The following SLC24A4 variants were observed in gnomAD, a reference collection of about 807,000 sequenced individuals.
The protein encoded by SLC24A4 is sodium/potassium/calcium exchanger 4.
Under a neutral mutation model 79.0 loss-of-function variants are expected in SLC24A4, and 53 were observed. The observed-to-expected ratio is 0.67, with a 90% CI of 0.54 to 0.84. The LOEUF (loss-of-function observed/expected upper bound fraction) is 0.84. Among genes scored for constraint, SLC24A4 ranks in the 40% least tolerant of loss-of-function variants. The pLI is 0.00. For missense variants in SLC24A4, 731 were observed against 822.0 expected (o/e 0.89, Z 1.35); for synonymous variants, 323 against 323.8 (o/e 1.00, Z 0.03).
At chr14:92,477,268 T>C (rs1894818056) in intron 12 of SLC24A4, among the ~76,000 whole-genome samples, 1 of 152,214 alleles carries the variant, frequency 6.6e-6, no homozygotes, top group South Asian at 2.1e-4. Context: ...TAATGACCAT[T>C]TTCTTTGGAG....
In SLC24A4 at chr14:92,478,458, G is replaced by T. The variant is rs191625837; in HGVS notation, c.1256-4222G>T. On this transcript the variant is annotated intron_variant, in intron 12 of 16. Transcript: ENST00000532405. ...AAATATCAAGATATTAAATGCCTGG[G>T]TTTATTTCTGGACTCAAAATTTTAT... Among the ~76,000 whole-genome samples the T allele has an allele frequency of 3.3e-3, 497 of 152,184 alleles. 2 individuals are homozygous for T. The highest frequency in any genetic ancestry group is 0.011 in the African/African-American group (476 of 41,530).
At chr14:92,405,234 T>A (rs970626930) in intron 2 of SLC24A4, among the ~76,000 whole-genome samples, 4 of 152,188 alleles carry the variant, frequency 2.6e-5, no homozygotes, top group African/African-American at 9.7e-5. Context: ...GGTTGATCGG[T>A]TAGCCCTCCA....
At chr14:92,442,018 C>A in intron 4 of SLC24A4, 71 bp from the exon 5 acceptor site, 1 of 1,250,572 alleles carries the variant, frequency 8.0e-7, no homozygotes. Context: ...TGCTCCTTGG[C>A]TGTAGAGCGT....
intron 14 of SLC24A4, among the ~76,000 whole-genome samples, chr14:92,487,618 C>T (rs1353041480): frequency 6.6e-6 from 1 of 152,032 alleles, no homozygotes; most frequent in African/African-American, 2.4e-5. Context: ...GCCCTGACAG[C>T]GAATGGGGAC....
At chr14:92,417,898 G>C (rs551296768) in intron 2 of SLC24A4, among the ~76,000 whole-genome samples, 1 of 152,294 alleles carries the variant, frequency 6.6e-6, no homozygotes, top group Non-Finnish European at 1.5e-5. Flanking sequence ...TAGGATGCTC[G>C]TGCAGCAGTG....
chr14:92,431,825 G>A (rs975938916), intron 2 of SLC24A4, among the ~76,000 whole-genome samples: 6 of 152,312 alleles, frequency 3.9e-5, no homozygotes, highest in Admixed American at 3.9e-4. Flanking sequence ...GTTCGCACAA[G>A]CTCATGCGTA....
chr14:92,383,738 T>G (rs567335527), intron 2 of SLC24A4, among the ~76,000 whole-genome samples: 1 of 152,270 alleles, frequency 6.6e-6, no homozygotes, highest in Non-Finnish European at 1.5e-5. Flanking sequence ...CGTATGAATG[T>G]TCATGCAGAA....
At chr14:92,391,090 G>A (rs188966623) in intron 2 of SLC24A4, among the ~76,000 whole-genome samples, 103 of 152,258 alleles carry the variant, frequency 6.8e-4, no homozygotes, top group African/African-American at 2.0e-3. Flanking sequence ...CGCTTCCACC[G>A]GTGAGAGCTG....
chr14:92,327,687 CG>C (rs1885226792), intron 2 of SLC24A4, among the ~76,000 whole-genome samples: 1 of 152,182 alleles, frequency 6.6e-6, no homozygotes, highest in Admixed American at 6.5e-5. Flanking sequence ...TTGGCTTAGA[CG>C]GGGATCCCTT....
intron 2 of SLC24A4, among the ~76,000 whole-genome samples, chr14:92,383,009 T>C (rs989369794): frequency 6.6e-6 from 1 of 152,234 alleles, no homozygotes; most frequent in Admixed American, 6.5e-5. Flanking sequence ...TCAGCTTCAG[T>C]TCCTGATGCC....
chr14:92,326,026 G>C, intron 2 of SLC24A4, 48 bp downstream of exon 2: 1 of 1,386,992 alleles, frequency 7.2e-7, no homozygotes, highest in Non-Finnish European at 1.0e-6. Context: ...TGTTTGGCCT[G>C]GCCTGGAGAT....
At chr14:92,343,608 CTTTCTTTCTT>C (rs1886304030) in intron 2 of SLC24A4, among the ~76,000 whole-genome samples, 1 of 145,552 alleles carries the variant, frequency 6.9e-6, no homozygotes, top group African/African-American at 2.6e-5. Flanking sequence ...TTCTTTCTTT[CTTTCTTTCTT>C]TCTTTCTTTC....
rs60360408 is a variant in SLC24A4, at chr14:92,395,432, A to AACACACACACACACACACACAC, written c.242-38467_242-38446dup. Among the ~76,000 whole-genome samples the AACACACACACACACACACACAC allele has an allele frequency of 5.3e-4, 77 of 144,916 alleles. 1 individual carries two copies. The highest frequency in any genetic ancestry group is 1.8e-3 in the African/African-American group (72 of 39,440). On this transcript the variant is annotated intron_variant, in intron 2 of 16. Coordinates refer to ENST00000532405, the MANE Select transcript of SLC24A4 (RefSeq NM_153646.4). ...GATGATTCAAAACAAAACAAAACAA[A>AACACACACACACACACACACAC]ACACACACACACACACACACACACA...
At chr14:92,329,132 AT>A (rs1885322245) in intron 2 of SLC24A4, among the ~76,000 whole-genome samples, 1 of 152,156 alleles carries the variant, frequency 6.6e-6, no homozygotes, top group African/African-American at 2.4e-5. Context: ...GCCCCCATGA[AT>A]TAGAGGGTGC....
chr14:92,325,730 C>T (rs1885089874), intron 1 of SLC24A4, 138 bp from the exon 2 acceptor site: 1 of 597,432 alleles, frequency 1.7e-6, no homozygotes, highest in African/African-American at 1.9e-5. Context: ...TACTTCCAAT[C>T]ATCCTATCAG....
In SLC24A4 at chr14:92,482,583, T is replaced by C. The variant is rs1331107564; in HGVS notation, c.1256-97T>C. On this transcript the variant is annotated intron_variant, in intron 12 of 16. Coordinates refer to ENST00000532405, the MANE Select transcript of SLC24A4 (RefSeq NM_153646.4). ...GAGTCACATCGGTGGCATTCTCTTA[T>C]TTAGCTTGAAGACTAAATCGACAGG... 1.1e-5 allele frequency: 13 copies of C among 1,233,906 alleles called. No homozygotes were observed. The South Asian group carries it at 1.7e-4, about 16-fold the overall frequency. 76.4% of individuals were successfully genotyped at this position (1,233,906 alleles called of 1,614,324 possible). A position where few individuals can be genotyped will look rare whatever the true frequency, so the allele number is the denominator to read the frequency against.
intron 2 of SLC24A4, among the ~76,000 whole-genome samples, chr14:92,360,338 C>G (rs1887436707): frequency 6.6e-6 from 1 of 152,098 alleles, no homozygotes; most frequent in African/African-American, 2.4e-5. Context: ...TAGGCTCAAG[C>G]AATCCTCCCT....
intron 2 of SLC24A4, among the ~76,000 whole-genome samples, chr14:92,349,341 A>G (rs901457100): frequency 6.6e-5 from 10 of 152,080 alleles, no homozygotes; most frequent in South Asian, 2.1e-4. Flanking sequence ...TGTATTTTCA[A>G]TAGAGACAGG....
chr14:92,332,529 G>T (rs1221361012), intron 2 of SLC24A4, among the ~76,000 whole-genome samples: 2 of 152,194 alleles, frequency 1.3e-5, no homozygotes, highest in East Asian at 1.9e-4. Context: ...GCTGGGCATT[G>T]TGGGGAGCAC....
Sources: gnomAD v4.1 joint callset for allele counts (sites outside exome capture counted in the v4.1 genomes callset) on GRCh38, gnomAD v4.1.1 for gene constraint, MANE v1.5 for transcripts, NCBI Gene and HGNC (gene_info 2026-07-23, HGNC 2026-07-21) for gene names.